ANKRD13A: variants seen among roughly 807,000 people sequenced by gnomAD.
ANKRD13A encodes the protein ankyrin repeat domain 13A, also known as ankyrin repeat domain-containing protein 13A.
A neutral mutation model predicts 81.3 loss-of-function variants in ANKRD13A; 48 were observed. The ratio of observed to expected loss-of-function variants is 0.59; its 90% confidence interval spans 0.47 to 0.75. The LOEUF is 0.75. Ranked by LOEUF, ANKRD13A falls within the 30% of genes least tolerant of loss-of-function variation. The pLI is 0.00. For missense variants in ANKRD13A, 612 were observed against 734.0 expected (o/e 0.83, Z 1.92); for synonymous variants, 230 against 270.1 (o/e 0.85, Z 1.45).
chr12:110,009,888 G>A (rs1397187134), intron 1 of ANKRD13A, among the ~76,000 whole-genome samples: 11 of 152,066 alleles, frequency 7.2e-5, no homozygotes, highest in South Asian at 2.1e-4. Context: ...TTTTTGAGAC[G>A]GAGTCTCGCT....
At position 110,038,988 on chromosome 12, in the gene ANKRD13A, T is replaced by C. The variant is rs561589495; in HGVS notation, c.*1434T>C. 6.6e-6 allele frequency: 1 copy of C among 152,202 alleles called. No individual in the cohort carries two copies. The highest frequency in any genetic ancestry group is 1.5e-5 in the Non-Finnish European group (1 of 68,038). The allele number at this position is 152,202 out of a possible 1,614,324, so 9.4% of individuals were successfully genotyped here. On this transcript the variant is annotated 3_prime_UTR_variant, in exon 15 of 15. Coordinates refer to ENST00000261739, the MANE Select transcript of ANKRD13A (RefSeq NM_033121.2). The stretch of plus-strand genomic sequence containing the variant: ...TAACTACTGTTCCAGGTAACGTCTG[T>C]ATCATACAGTTAGTGTTGCCAGTGA...
chr12:110,020,710 C>T (rs1381314297), intron 6 of ANKRD13A, among the ~76,000 whole-genome samples: 1 of 152,224 alleles, frequency 6.6e-6, no homozygotes, highest in Non-Finnish European at 1.5e-5. Flanking sequence ...CTGTTCATAA[C>T]CCCAGAAGGC....
At chr12:110,008,487 A>G (rs773548364) in intron 1 of ANKRD13A, among the ~76,000 whole-genome samples, 2 of 152,190 alleles carry the variant, frequency 1.3e-5, no homozygotes, top group Non-Finnish European at 2.9e-5. Context: ...TGTCATCAGG[A>G]TAATAGTGGG....
intron 1 of ANKRD13A, among the ~76,000 whole-genome samples, chr12:110,006,058 C>T (rs1890228190): frequency 6.6e-6 from 1 of 152,204 alleles, no homozygotes; most frequent in African/African-American, 2.4e-5. Flanking sequence ...CTCAAGTGAT[C>T]AGCCCACCTT....
intron 3 of ANKRD13A, among the ~76,000 whole-genome samples, chr12:110,014,344 G>A (rs1047710525): frequency 6.6e-6 from 1 of 152,070 alleles, no homozygotes; most frequent in Non-Finnish European, 1.5e-5. Context: ...CCTGGGAGGC[G>A]GAGCTTGCAG....
At chr12:110,007,327 A>G (rs753865327) in intron 1 of ANKRD13A, among the ~76,000 whole-genome samples, 76 of 152,274 alleles carry the variant, frequency 5.0e-4, no homozygotes, top group Non-Finnish European at 1.1e-3. Flanking sequence ...AACCATGAGC[A>G]TAAGGATGTT....
chr12:110,029,698 G>T (rs559242747), intron 11 of ANKRD13A, 63 bp downstream of exon 11: 1 of 1,578,310 alleles, frequency 6.3e-7, no homozygotes, highest in East Asian at 2.3e-5. Flanking sequence ...GTGGCAGCAT[G>T]TGGGTGGCAG....
At position 110,018,172 on chromosome 12, in the gene ANKRD13A, T is replaced by A. The variant is rs1890886198; in HGVS notation, c.401-173T>A. ...GTGAATGGAATGGAAGGTTCATTTT[T>A]ATTTTTCAAGAGTGATTTCCTGTAT... On this transcript the variant is annotated intron_variant, in intron 4 of 14. Transcript: ENST00000261739. The surrounding 1 kb of genome is among the most constrained non-coding windows in gnomAD (Gnocchi z 4.4). Among the ~76,000 whole-genome samples, 1 of 152,224 alleles carries A rather than the reference T, an allele frequency of 6.6e-6. No individual in the cohort carries two copies. The highest frequency in any genetic ancestry group is 2.4e-5 in the African/African-American group (1 of 41,454).
intron 1 of ANKRD13A, among the ~76,000 whole-genome samples, chr12:110,005,023 T>G (rs1426204020): frequency 6.6e-6 from 1 of 152,248 alleles, no homozygotes; most frequent in Non-Finnish European, 1.5e-5. Context: ...CAAAAGATTT[T>G]TATTGCGATA....
At chr12:110,033,447 T>C (rs189184677) in intron 12 of ANKRD13A, among the ~76,000 whole-genome samples, 1 of 152,170 alleles carries the variant, frequency 6.6e-6, no homozygotes, top group East Asian at 1.9e-4. Context: ...TGTTCAGATA[T>C]TTTATATATA....
At position 110,028,638 on chromosome 12, in the gene ANKRD13A, C is replaced by T; in HGVS notation, c.1072C>T (p.Gln358Ter). ...GCCGAAAGAGCTGACGATTAGAACA[C>T]AGAAGTAAGAGAGGTTCAGCTGCCA... ...GRPKELTIRTQKFKAMLWMCE... is the reference protein window; with the variant it reads ...GRPKELTIRT The change falls in exon 10 of 15, where the codon CAG becomes TAG. Residue 358 changes from glutamine to a stop codon, truncating the protein, a stop_gained. Coordinates refer to ENST00000261739, the MANE Select transcript of ANKRD13A (RefSeq NM_033121.2). LOFTEE classifies it high-confidence loss of function. The T allele has an allele frequency of 6.2e-7, 1 of 1,614,168 alleles. No individual in the cohort carries two copies. Among genetic ancestry groups the T allele is most frequent in the Non-Finnish European group, 8.5e-7 (1 of 1,180,008 alleles).
At chr12:110,015,411 T>C (rs1890738217) in intron 3 of ANKRD13A, among the ~76,000 whole-genome samples, 1 of 152,248 alleles carries the variant, frequency 6.6e-6, no homozygotes, top group South Asian at 2.1e-4. Context: ...GAATAGGTGG[T>C]TACCCACATT....
intron 1 of ANKRD13A, among the ~76,000 whole-genome samples, chr12:110,001,323 G>A (rs1889962186): frequency 6.6e-6 from 1 of 151,626 alleles, no homozygotes; most frequent in African/African-American, 2.4e-5. Context: ...GAGAAGGTTA[G>A]CATTACTCCA....
chr12:110,007,979 TTTTTA>T (rs1458519731), intron 1 of ANKRD13A, among the ~76,000 whole-genome samples: 1 of 152,226 alleles, frequency 6.6e-6, no homozygotes, highest in Admixed American at 6.5e-5. Flanking sequence ...TTCTGGATGC[TTTTTA>T]TTTATTTTTC....
chr12:110,024,125 T>C lies in ANKRD13A; in HGVS notation c.801+13T>C, dbSNP rs750689035. 3.2e-6 allele frequency: 5 copies of C among 1,586,480 alleles called. No homozygotes were observed. In the South Asian group the frequency reaches 5.8e-5, roughly 18 times the overall value. The stretch of plus-strand genomic sequence containing the variant: ...TTACGAAGCAAAGGTAAAAGGAAAC[T>C]CTTAAAATAAGATTTAATATAGCTA... On this transcript the variant is annotated intron_variant, in intron 7 of 14. Transcript: ENST00000261739.
chr12:110,023,954 A>G, intron 6 of ANKRD13A, 92 bp from the exon 7 acceptor site: 1 of 1,312,280 alleles, frequency 7.6e-7, no homozygotes, highest in East Asian at 2.3e-5. Flanking sequence ...CACTAACTTA[A>G]GCTGGGGGGG....
intron 1 of ANKRD13A, among the ~76,000 whole-genome samples, chr12:110,009,309 G>T (rs925908224): frequency 1.3e-5 from 2 of 152,128 alleles, no homozygotes; most frequent in African/African-American, 4.8e-5. Context: ...TCGAACTCCC[G>T]ACCTCTAGTG....
chr12:110,036,203 A>G lies in ANKRD13A; in HGVS notation c.1510-58A>G. The G allele has an allele frequency of 6.6e-7, 1 of 1,518,600 alleles. No homozygotes were observed. The highest frequency in any genetic ancestry group is 1.4e-5 in the African/African-American group (1 of 72,786). The allele number at this position is 1,518,600 out of a possible 1,614,324, so 94.1% of individuals were successfully genotyped here. A position where few individuals can be genotyped will look rare whatever the true frequency, so the allele number is the denominator to read the frequency against. ...TTCTTGCTGCCATCGTTTCCTTACC[A>G]GAATGGCACCAATTTCTCCTAAGAC... On this transcript the variant is annotated intron_variant, in intron 13 of 14. Transcript: ENST00000261739. The surrounding 1 kb of genome is among the most constrained non-coding windows in gnomAD (Gnocchi z 4.6).
Position 110,037,780 on chromosome 12 carries a change from A to T in ANKRD13A, c.*226A>T. 1 of 432,620 alleles carries T rather than the reference A, an allele frequency of 2.3e-6. No homozygotes were observed. 26.8% of individuals were successfully genotyped at this position (432,620 alleles called of 1,614,324 possible). A position where few individuals can be genotyped will look rare whatever the true frequency, so the allele number is the denominator to read the frequency against. ...GATTGCAGGCCCCATCTCCAGGCTA[A>T]GGGGAGGAGAGCATCATCACTTTCC... On this transcript the variant is annotated 3_prime_UTR_variant, in exon 15 of 15. Transcript: ENST00000261739.
Sources: gnomAD v4.1 joint callset for allele counts (sites outside exome capture counted in the v4.1 genomes callset) on GRCh38, gnomAD v4.1.1 for gene constraint, Gnocchi (gnomAD v3.1) non-coding constraint, MANE v1.5 for transcripts, NCBI Gene and HGNC (gene_info 2026-07-23, HGNC 2026-07-21) for gene names.